The following DOCK3 variants were observed in gnomAD, a reference collection of about 807,000 sequenced individuals.
The protein encoded by DOCK3 is dedicator of cytokinesis protein 3.
A neutral mutation model predicts 265.6 loss-of-function variants in DOCK3; 60 were observed. The observed-to-expected ratio is 0.23, with a 90% CI of 0.18 to 0.28. The LOEUF is 0.28. Among genes scored for constraint, DOCK3 ranks in the 10% least tolerant of loss-of-function variants. DOCK3 has a pLI of 1.00. For missense variants in DOCK3, 1,981 were observed against 2,594.3 expected (o/e 0.76, Z 5.14); for synonymous variants, 881 against 938.0 (o/e 0.94, Z 1.11).
chr3:50,968,765 G>A (rs552555967), intron 5 of DOCK3, among the ~76,000 whole-genome samples: 1 of 152,238 alleles, frequency 6.6e-6, no homozygotes, highest in East Asian at 1.9e-4. Flanking sequence ...GGCCAGGATG[G>A]TCTTGATCTT....
At chr3:50,686,686 A>G (rs2034829807) in intron 1 of DOCK3, among the ~76,000 whole-genome samples, 1 of 152,164 alleles carries the variant, frequency 6.6e-6, no homozygotes, top group Non-Finnish European at 1.5e-5. Flanking sequence ...AGGCAGGTGG[A>G]TCACCTGAGG....
Position 50,919,110 on chromosome 3 carries a change from A to G in DOCK3, c.219-14871A>G, listed in dbSNP as rs1312691094. ...ATTTCTGAGGGCTCTGTTCTGTTCC[A>G]TTGGTCTATATCTCTGTTTGGTACC... On this transcript the variant is annotated intron_variant, in intron 4 of 52. Coordinates refer to ENST00000266037, the MANE Select transcript of DOCK3 (RefSeq NM_004947.5). 4.6e-5 allele frequency among the ~76,000 whole-genome samples: 7 copies of G among 152,156 alleles called. No homozygotes were observed. In the East Asian group the frequency reaches 5.8e-4, roughly 13 times the overall value.
At chr3:51,287,934 C>T (rs113146076) in intron 27 of DOCK3, among the ~76,000 whole-genome samples, 1,909 of 152,354 alleles carry the variant, frequency 0.013, 50 homozygotes, top group African/African-American at 0.042. Flanking sequence ...TACATATACA[C>T]GTTGGAATAC....
chr3:50,924,350 A>G (rs1177890002), intron 4 of DOCK3, among the ~76,000 whole-genome samples: 1 of 152,198 alleles, frequency 6.6e-6, no homozygotes, highest in Non-Finnish European at 1.5e-5. Flanking sequence ...AGCATAACAA[A>G]GTCTTCTATA....
chr3:50,797,510 GCACCTTTC>G (rs2042853833), intron 2 of DOCK3, among the ~76,000 whole-genome samples: 1 of 152,230 alleles, frequency 6.6e-6, no homozygotes. Context: ...CTAAGGCGCA[GCACCTTTC>G]CAGCTAAATG....
At chr3:50,723,127 T>G (rs553684836) in intron 1 of DOCK3, among the ~76,000 whole-genome samples, 1 of 152,184 alleles carries the variant, frequency 6.6e-6, no homozygotes, top group Admixed American at 6.5e-5. Context: ...ACGTGAAAAT[T>G]TTTAGAACCA....
intron 32 of DOCK3, among the ~76,000 whole-genome samples, chr3:51,316,003 T>A (rs1576772084): frequency 6.6e-6 from 1 of 152,368 alleles, no homozygotes; most frequent in East Asian, 1.9e-4. Context: ...AATATTTATT[T>A]ATTTTTAAAT....
chr3:51,283,278 A>G (rs757314712), intron 27 of DOCK3, among the ~76,000 whole-genome samples: 1 of 152,202 alleles, frequency 6.6e-6, no homozygotes, highest in Non-Finnish European at 1.5e-5. Flanking sequence ...TAAAATCAGG[A>G]AAGGAATCCT....
chr3:50,724,515 A>G (rs1227376716), intron 1 of DOCK3, among the ~76,000 whole-genome samples: 1 of 152,352 alleles, frequency 6.6e-6, no homozygotes, highest in East Asian at 1.9e-4. Flanking sequence ...GCAGCCATAA[A>G]AAAGGATGAG....
At chr3:51,329,101 C>T (rs1035966262) in intron 32 of DOCK3, among the ~76,000 whole-genome samples, 11 of 152,094 alleles carry the variant, frequency 7.2e-5, no homozygotes, top group Non-Finnish European at 1.2e-4. Context: ...TGCAGTGAGC[C>T]GAGATCGCGC....
chr3:51,327,606 C>T (rs1014932980), intron 32 of DOCK3, among the ~76,000 whole-genome samples: 2 of 151,630 alleles, frequency 1.3e-5, no homozygotes, highest in Non-Finnish European at 2.9e-5. Flanking sequence ...TAGATTTCTC[C>T]TAATAACTTC....
intron 4 of DOCK3, among the ~76,000 whole-genome samples, chr3:50,921,208 T>C (rs1477250443): frequency 1.3e-5 from 2 of 152,060 alleles, no homozygotes; most frequent in African/African-American, 4.8e-5. Flanking sequence ...ATAAGTGATC[T>C]TTTCACACAG....
intron 9 of DOCK3, among the ~76,000 whole-genome samples, chr3:51,092,317 C>G (rs1010558439): frequency 6.6e-6 from 1 of 152,240 alleles, no homozygotes; most frequent in South Asian, 2.1e-4. Context: ...CTGGGATGCT[C>G]GAGCTTGGTT....
intron 5 of DOCK3, among the ~76,000 whole-genome samples, chr3:50,989,110 C>T (rs1050562750): frequency 8.5e-5 from 13 of 152,250 alleles, no homozygotes; most frequent in South Asian, 2.1e-4. Context: ...TCTCATGCAC[C>T]GCCCCCTACT....
chr3:51,265,194 A>G (rs1162423875), intron 23 of DOCK3, among the ~76,000 whole-genome samples: 1 of 152,194 alleles, frequency 6.6e-6, no homozygotes, highest in Non-Finnish European at 1.5e-5. Context: ...AAGATCTGAA[A>G]TTGAGGTAGA....
Position 51,228,774 on chromosome 3 carries a change from C to T in DOCK3, c.1761C>T (p.Ser587=). 1 of 1,614,024 alleles carries T rather than the reference C, an allele frequency of 6.2e-7. No individual in the cohort carries two copies. Among genetic ancestry groups the T allele is most frequent in the South Asian group, 1.1e-5 (1 of 91,076 alleles). Reference sequence around the variant, plus strand: ...CTTCTAGCCTCATCTTCCAGCGCAGCACCAAAGAGTCTTTCTTCATCTCCA... The same window carrying T: ...CTTCTAGCCTCATCTTCCAGCGCAGTACCAAAGAGTCTTTCTTCATCTCCA... ...NIPSSLIFQR[S]TKESFFISTQ... Residue 587 remains serine, a synonymous_variant, in exon 18 of 53, where the codon AGC becomes AGT. Coordinates refer to ENST00000266037, the MANE Select transcript of DOCK3 (RefSeq NM_004947.5).
At chr3:51,121,497 A>G (rs1363947875) in intron 9 of DOCK3, among the ~76,000 whole-genome samples, 1 of 152,212 alleles carries the variant, frequency 6.6e-6, no homozygotes, top group Non-Finnish European at 1.5e-5. Context: ...TTGGCAGAGA[A>G]GGGGGACATG....
intron 27 of DOCK3, among the ~76,000 whole-genome samples, chr3:51,300,821 CTT>C (rs978236672): frequency 6.6e-6 from 1 of 152,076 alleles, no homozygotes; most frequent in Non-Finnish European, 1.5e-5. Flanking sequence ...TTATTGAGGA[CTT>C]TTGCACCAAT....
chr3:51,136,995 G>C (rs1273652854), intron 9 of DOCK3, among the ~76,000 whole-genome samples: 1 of 151,588 alleles, frequency 6.6e-6, no homozygotes, highest in East Asian at 1.9e-4. Context: ...CCTGCACATT[G>C]TGCACATGTA....
Sources: allele counts gnomAD v4.1 joint callset (sites outside exome capture counted in the v4.1 genomes callset), GRCh38; gene constraint gnomAD v4.1.1; transcripts MANE v1.5; gene names NCBI Gene and HGNC (gene_info 2026-07-23, HGNC 2026-07-21).